The following PNKP variants were observed in gnomAD, a reference collection of about 807,000 sequenced individuals.
PNKP encodes bifunctional polynucleotide phosphatase/kinase.
Under a neutral mutation model 66.2 loss-of-function variants are expected in PNKP, and 82 were observed. The observed-to-expected ratio is 1.24, with a 90% confidence interval of 1.04 to 1.49. PNKP has a LOEUF of 1.49. Among genes scored for constraint, PNKP ranks in the 40% most tolerant of loss-of-function variants. The pLI, the probability that PNKP is intolerant of heterozygous loss-of-function variation, is 0.00. For synonymous variants in PNKP, 412 were observed against 298.9 expected (o/e 1.38, Z -3.90); for missense variants, 907 against 706.8 (o/e 1.28, Z -3.21).
At chr19:49,864,517 A>G in intron 4 of PNKP, 114 bp from the exon 5 acceptor site, 1 of 822,504 alleles carries the variant, frequency 1.2e-6, no homozygotes, top group South Asian at 1.3e-5. Flanking sequence ...GCCATCTCAC[A>G]GATGGGGAAA....
In PNKP at chr19:49,865,298, G is replaced by A. The variant is rs749579842; in HGVS notation, c.327C>T (p.Thr109=). Residue 109 remains threonine (T), a synonymous_variant, in exon 4 of 17, where the codon ACC becomes ACT. Coordinates refer to ENST00000322344, the MANE Select transcript of PNKP (RefSeq NM_007254.4). ...TATCTGGCTGGGATTCTGGTGTGCG[G>A]GTCTCTTCCCAGCGCAGGGTCAGTG... The part of the protein sequence containing the change: ...LHPLTLRWEE[T]RTPESQPDTP... 2 of 1,614,068 alleles carry A rather than the reference G, an allele frequency of 1.2e-6. No individual in the cohort carries two copies. The highest frequency in any genetic ancestry group is 1.7e-6 in the Non-Finnish European group (2 of 1,180,040).
In PNKP at chr19:49,863,760, C is replaced by T. The variant is rs1207064306; in HGVS notation, c.745G>A (p.Val249Met). 15 of 1,558,574 alleles carry T rather than the reference C, an allele frequency of 9.6e-6. No individual in the cohort carries two copies. The highest frequency in any genetic ancestry group is 1.2e-5 in the Non-Finnish European group (14 of 1,150,440). ...AAGCCTGCGTGCGTGGCCACCAGCA[C>T]CTGTGGATGGGAGGGGGCCACCAGC... ...VVEKLGVPFQ[V>M]LVATHAGLYR... Residue 249 changes from valine to methionine, a missense_variant and splice_region_variant, in exon 8 of 17, where the codon GTG becomes ATG. Coordinates refer to ENST00000322344, the MANE Select transcript of PNKP (RefSeq NM_007254.4).
At position 49,866,426 on chromosome 19, in the gene PNKP, A is replaced by G; in HGVS notation, c.171T>C (p.Pro57=). 2 of 1,614,168 alleles carry G rather than the reference A, an allele frequency of 1.2e-6. No homozygotes were observed. The highest frequency in any genetic ancestry group is 1.7e-6 in the Non-Finnish European group (2 of 1,179,972). The part of the protein sequence containing the change: ...SRTQVELVAD[P]ETRTVAVKQL... ...GTTTCACTGCCACTGTCCGGGTCTC[A>G]GGATCTGCGACCAGCTCCACTGAGG... The change falls in exon 3 of 17, where the codon CCT becomes CCC. Residue 57 remains proline (P), a synonymous_variant. Transcript: ENST00000322344.
chr19:49,862,161 C>T (rs777211623), intron 12 of PNKP, 24 bp downstream of exon 12: 8 of 1,613,430 alleles, frequency 5.0e-6, no homozygotes, highest in South Asian at 3.3e-5. Context: ...GCTCAGGGCA[C>T]GCGCACAGGA....
Position 49,863,357 on chromosome 19 carries a change from C to T in PNKP, c.816+332G>A, listed in dbSNP as rs559186930. Among the ~76,000 whole-genome samples the T allele has an allele frequency of 1.1e-3, 170 of 152,354 alleles. 1 individual carries two copies. The highest frequency in any genetic ancestry group is 3.8e-3 in the African/African-American group (157 of 41,582). On this transcript the variant is annotated intron_variant, in intron 8 of 16. Coordinates refer to ENST00000322344, the MANE Select transcript of PNKP (RefSeq NM_007254.4). ...TGTTTTACACGCCAGTCTGCCCATCCGCCTAGAGTCACCGCCCTCGCCGTG... is the reference window on the plus strand; with the variant it reads ...TGTTTTACACGCCAGTCTGCCCATCTGCCTAGAGTCACCGCCCTCGCCGTG...
Position 49,862,200 on chromosome 19 carries a change from C to T in PNKP, c.1111G>A (p.Val371Met). Residue 371 changes from valine (V) to methionine (M), a missense_variant, in exon 12 of 17, where the codon GTG (valine) becomes ATG (methionine). Transcript: ENST00000322344. ...LSASPEVVVA[V>M]GFPGAGKSTF... is the part of the protein sequence containing the mutation. ...GGACACTTACCCCCAGGGAATCCCA[C>T]TGCGACAACCACCTCCGGGCTGGCG... 2.5e-6 allele frequency: 4 copies of T among 1,613,790 alleles called. No individual in the cohort carries two copies. The highest frequency in any genetic ancestry group is 3.4e-6 in the Non-Finnish European group (4 of 1,179,854).
chr19:49,867,336 C>G (rs1377143368), intron 1 of PNKP, 119 bp from the exon 2 acceptor site: 3 of 1,082,426 alleles, frequency 2.8e-6, no homozygotes, highest in Admixed American at 5.2e-5. Context: ...GAAGTCCCAC[C>G]CGCTCGCCTT....
intron 13 of PNKP, 69 bp from the exon 14 acceptor site, chr19:49,861,950 G>A (rs1199736783): frequency 3.2e-6 from 5 of 1,585,000 alleles, no homozygotes; most frequent in Middle Eastern, 1.7e-4. Flanking sequence ...GCGGGGACGG[G>A]GAGGCAATGA....
In PNKP at chr19:49,866,266, C is replaced by T. The variant is rs547287168; in HGVS notation, c.198+133G>A. 3,707 of 860,152 alleles carry T rather than the reference C, an allele frequency of 4.3e-3. 54 individuals are homozygous for T. The highest frequency in any genetic ancestry group is 0.031 in the Middle Eastern group (94 of 3,020). 53.3% of individuals were successfully genotyped at this position (860,152 alleles called of 1,614,324 possible). On this transcript the variant is annotated intron_variant, in intron 3 of 16. Transcript: ENST00000322344. Reference sequence around the variant, plus strand: ...CCGCCCGCCTCGGCCTCCCAAAGTGCTGGGATTACAGGCTTGAGCCACCAC... The same window carrying T: ...CCGCCCGCCTCGGCCTCCCAAAGTGTTGGGATTACAGGCTTGAGCCACCAC...
chr19:49,866,065 T>A, intron 3 of PNKP: 4 of 400,076 alleles, frequency 1.0e-5, no homozygotes, highest in South Asian at 8.9e-5. Flanking sequence ...CAGGCTGAAG[T>A]ACAGTGTGGT....
intron 5 of PNKP, 26 bp downstream of exon 5, chr19:49,864,298 C>T: frequency 6.2e-7 from 1 of 1,612,120 alleles, no homozygotes; most frequent in South Asian, 1.1e-5. Context: ...AGGCCTCACT[C>T]ACTCCCTTGT....
intron 8 of PNKP, among the ~76,000 whole-genome samples, chr19:49,863,062 C>T (rs772227232): frequency 1.3e-5 from 2 of 152,178 alleles, no homozygotes; most frequent in South Asian, 2.1e-4. Context: ...AGGGCAAAAG[C>T]GGGGCCCTCC....
chr19:49,861,659 G>GC lies in PNKP; in HGVS notation c.1334dup (p.Cys445TrpfsTer49), dbSNP rs1289800461. 3.9e-6 allele frequency: 6 copies of GC among 1,550,172 alleles called. No homozygotes were observed. The highest frequency in any genetic ancestry group is 5.2e-6 in the Non-Finnish European group (6 of 1,147,090). ...GAGTGGCGGTGAAGAGGAAGCAGCG[G>GC]CAGGGGACGCCCGCGGCTCGGGCAC... On this transcript the variant is annotated frameshift_variant, in exon 15 of 17. Transcript: ENST00000322344. LOFTEE classifies it high-confidence loss of function.
chr19:49,862,761 G>A lies in PNKP; in HGVS notation c.817-23C>T, dbSNP rs376054768. The A allele has an allele frequency of 6.2e-6, 10 of 1,613,652 alleles. No individual in the cohort carries two copies. The African/African-American group carries it at 9.3e-5, about 15-fold the overall frequency. ...GGCCTACGGGAGACGGTAGTGAGGA[G>A]GCCCTTCCCACAAATGTCCCCCCGC... On this transcript the variant is annotated intron_variant, in intron 8 of 16. Transcript: ENST00000322344.
chr19:49,865,087 A>T, intron 4 of PNKP, 40 bp downstream of exon 4: 1 of 1,583,672 alleles, frequency 6.3e-7, no homozygotes. Context: ...ATTGGGTCCC[A>T]GTCTGTGGCG....
chr19:49,861,883 T>C lies in PNKP; in HGVS notation c.1189-2A>G. 1 of 1,585,882 alleles carries C rather than the reference T, an allele frequency of 6.3e-7. No individual in the cohort carries two copies. Among genetic ancestry groups the C allele is most frequent in the South Asian group, 1.1e-5 (1 of 88,788 alleles). ...GCGCTGCCAGGAGCCTAGCGTGTCC[T>C]GGGGACACGAGAGGTCACAAACAGA... On this transcript the variant is annotated splice_acceptor_variant, in intron 13 of 16. Transcript: ENST00000322344. LOFTEE classifies it high-confidence loss of function.
chr19:49,866,388 G>C lies in PNKP; in HGVS notation c.198+11C>G, dbSNP rs1004621657. On this transcript the variant is annotated intron_variant, in intron 3 of 16. Coordinates refer to ENST00000322344, the MANE Select transcript of PNKP (RefSeq NM_007254.4). The stretch of plus-strand genomic sequence containing the variant: ...CCCAGGCCTTGCTGGCCCTTGCAGA[G>C]GCACTGATACCTGTTTCACTGCCAC... The C allele has an allele frequency of 3.7e-6, 6 of 1,613,052 alleles. No homozygotes were observed. Among genetic ancestry groups the C allele is most frequent in the Non-Finnish European group, 4.2e-6 (5 of 1,178,966 alleles).
intron 3 of PNKP, chr19:49,865,643 T>C (rs1245918265): frequency 5.3e-6 from 3 of 565,294 alleles, no homozygotes; most frequent in Non-Finnish European, 9.4e-6. Flanking sequence ...AGATATAGGC[T>C]TGTTTTGTCG....
At position 49,861,215 on chromosome 19, in the gene PNKP, C is replaced by A; in HGVS notation, c.*33G>T. The A allele has an allele frequency of 7.0e-7, 1 of 1,425,576 alleles. No individual in the cohort carries two copies. The allele number at this position is 1,425,576 out of a possible 1,614,324, so 88.3% of individuals were successfully genotyped here. On this transcript the variant is annotated 3_prime_UTR_variant, in exon 17 of 17. Transcript: ENST00000322344. ...AATGCCGGCCAAGCTCAAGGAGAAA[C>A]AGCGTTTATTGTGGAGGGGAGCTGG...
Sources: allele counts gnomAD v4.1 joint callset (sites outside exome capture counted in the v4.1 genomes callset), GRCh38; gene constraint gnomAD v4.1.1; transcripts MANE v1.5; gene names NCBI Gene and HGNC (gene_info 2026-07-23, HGNC 2026-07-21).